The following TNC variants were observed in gnomAD, a reference collection of about 807,000 sequenced individuals.
TNC encodes tenascin.
TNC carries 109 observed loss-of-function variants against 202.4 expected under a neutral mutation model. The observed-to-expected ratio is 0.54, with a 90% CI of 0.46 to 0.63. TNC has a LOEUF of 0.63. Among genes scored for constraint, TNC ranks in the 30% least tolerant of loss-of-function variants. The pLI, the probability that TNC is intolerant of heterozygous loss-of-function variation, is 0.00. For missense variants in TNC, 2,756 were observed against 2,833.3 expected, an observed-to-expected ratio of 0.97 and a Z score of 0.62; for synonymous variants, 1,007 against 1,089.7, an observed-to-expected ratio of 0.92 and a Z score of 1.50.
chr9:115,034,173 G>A (rs898385747), intron 22 of TNC, among the ~76,000 whole-genome samples: 2 of 152,160 alleles, frequency 1.3e-5, no homozygotes, highest in Admixed American at 6.5e-5. Flanking sequence ...AAATCCACCA[G>A]GCTCAGCCTT....
intron 10 of TNC, among the ~76,000 whole-genome samples, chr9:115,065,652 TC>T (rs1832892643): frequency 6.6e-6 from 1 of 151,522 alleles, no homozygotes; most frequent in Admixed American, 6.6e-5. Flanking sequence ...TAGATACCCT[TC>T]TTTTTTGAGA....
chr9:115,081,784 C>A lies in TNC; in HGVS notation c.2392G>T (p.Val798Leu), dbSNP rs189378657. 1 of 1,613,998 alleles carries A rather than the reference C, an allele frequency of 6.2e-7. No homozygotes were observed. Among genetic ancestry groups the A allele is most frequent in the African/African-American group, 1.3e-5 (1 of 75,022 alleles). The change falls in exon 6 of 28, where the codon GTG (valine) becomes TTG (leucine). Residue 798 changes from valine (V) to leucine (L), a missense_variant. Around this residue, in one of 2 missense-constraint regions of TNC, gnomAD observed 2,559 missense variants for 2,546.0 expected, o/e 1.01. Coordinates refer to ENST00000350763, the MANE Select transcript of TNC (RefSeq NM_002160.4). Reference protein sequence around the residue: ...NNTRGPGLKRVTTTRLDAPSQ... With the variant: ...NNTRGPGLKRLTTTRLDAPSQ... ...AGGTGATACTCACGTGTGGTGGTCA[C>A]CCTCTTCAGGCCAGGGCCCCGGGTA...
chr9:115,095,606 A>G (rs370351843), intron 1 of TNC, among the ~76,000 whole-genome samples: 2 of 1,782 alleles, frequency 1.1e-3, no homozygotes, highest in African/African-American at 3.2e-3. Context: ...GTATATATAT[A>G]TGTATATATG....
At chr9:115,021,520 A>G (rs1829069413) in intron 27 of TNC, among the ~76,000 whole-genome samples, 1 of 152,174 alleles carries the variant, frequency 6.6e-6, no homozygotes. Flanking sequence ...CTGAGTTTGC[A>G]TGGAGCTTTG....
intron 6 of TNC, among the ~76,000 whole-genome samples, chr9:115,079,532 T>C (rs996241756): frequency 6.6e-6 from 1 of 152,168 alleles, no homozygotes; most frequent in African/African-American, 2.4e-5. Flanking sequence ...ATTAAAGAAG[T>C]TGGGTTTCCG....
chr9:115,056,837 C>T (rs1832161939), intron 15 of TNC, among the ~76,000 whole-genome samples: 1 of 152,198 alleles, frequency 6.6e-6, no homozygotes, highest in Non-Finnish European at 1.5e-5. Flanking sequence ...AAGTCAAGAA[C>T]AGGTCTAGTT....
At chr9:115,055,107 T>C (rs887847051) in intron 15 of TNC, among the ~76,000 whole-genome samples, 2 of 152,100 alleles carry the variant, frequency 1.3e-5, no homozygotes, top group Non-Finnish European at 2.9e-5. Flanking sequence ...TCTTTGAACA[T>C]GACATAGGCA....
Position 115,064,072 on chromosome 9 carries a change from G to A in TNC, c.3488-4C>T. 1 of 1,600,474 alleles carries A rather than the reference G, an allele frequency of 6.2e-7. No individual in the cohort carries two copies. Among genetic ancestry groups the A allele is most frequent in the Middle Eastern group, 1.7e-4 (1 of 6,006 alleles). On this transcript the variant is annotated splice_region_variant and splice_polypyrimidine_tract_variant and intron_variant, in intron 11 of 27. Transcript: ENST00000350763. ...TCTCCCAAATTGGGAGTTTCCCCTG[G>A]AGAAGGACAAAGAACTAGTTTAGTG... is the stretch of plus-strand genomic sequence containing the variant.
chr9:115,057,926 C>A lies in TNC; in HGVS notation c.4307-501G>T, dbSNP rs148569412. ...TAAATAATTCTGATGCCATTACCTT[C>A]CCAAGGTGGTAACTTGAGGCTTCTG... On this transcript the variant is annotated intron_variant, in intron 14 of 27. Transcript: ENST00000350763. 5.4e-4 allele frequency among the ~76,000 whole-genome samples: 82 copies of A among 152,338 alleles called. 1 individual carries two copies. The East Asian group carries it at 0.014, about 27-fold the overall frequency.
intron 8 of TNC, 45 bp from the exon 9 acceptor site, chr9:115,076,166 AG>A (rs1336039078): frequency 2.5e-6 from 4 of 1,574,514 alleles, no homozygotes; most frequent in Non-Finnish European, 2.6e-6. Context: ...GAAATCAGAG[AG>A]ACTTTCAGAG....
Position 115,064,671 on chromosome 9 carries a change from C to T in TNC, c.3463G>A (p.Val1155Met), listed in dbSNP as rs1832805144. 1.9e-5 allele frequency: 31 copies of T among 1,612,644 alleles called. No individual in the cohort carries two copies. The highest frequency in any genetic ancestry group is 2.6e-5 in the Non-Finnish European group (31 of 1,178,810). ...CCTGTGGAGGCCTCAGCAGAGAGCA[C>T]TGGTGTTCTATAGCCCTGGATCACC... ...YGVIQGYRTPVLSAEASTGET... is the reference protein window; with the variant it reads ...YGVIQGYRTPMLSAEASTGET... Residue 1155 changes from valine (V) to methionine (M), a missense_variant, in exon 11 of 28, where the codon GTG becomes ATG. By Grantham distance (21) the Val-to-Met change is conservative. Transcript: ENST00000350763.
chr9:115,057,416 G>C lies in TNC; in HGVS notation c.4316C>G (p.Pro1439Arg). The C allele has an allele frequency of 6.8e-6, 11 of 1,607,740 alleles. No individual in the cohort carries two copies. Among genetic ancestry groups the C allele is most frequent in the Non-Finnish European group, 9.3e-6 (11 of 1,178,626 alleles). Residue 1439 changes from proline (P) to arginine (R), a missense_variant, in exon 15 of 28, where the codon CCT becomes CGT. Around this residue, in one of 2 missense-constraint regions of TNC, gnomAD observed 2,559 missense variants for 2,546.0 expected, o/e 1.01. Transcript: ENST00000350763. ...AGAAACATTTAAGTTTCCAATTTCA[G>C]GTTCTTTGGCTGTAAAAGGAAGGGG... ...LSAEASTAKEPEIGNLNVSDI... is the reference protein window; with the variant it reads ...LSAEASTAKEREIGNLNVSDI...
intron 15 of TNC, among the ~76,000 whole-genome samples, chr9:115,051,863 G>A (rs1012899918): frequency 6.6e-6 from 1 of 151,794 alleles, no homozygotes; most frequent in Non-Finnish European, 1.5e-5. Flanking sequence ...TCTTGAGAAC[G>A]TTCTCTCCAC....
chr9:115,085,652 G>A (rs1334548854), intron 3 of TNC, among the ~76,000 whole-genome samples: 1 of 152,178 alleles, frequency 6.6e-6, no homozygotes, highest in Non-Finnish European at 1.5e-5. Context: ...ACCTCTCTGA[G>A]CCCTTCAGCC....
At chr9:115,076,256 A>G in intron 8 of TNC, 134 bp downstream of exon 8, 1 of 1,400,232 alleles carries the variant, frequency 7.1e-7, no homozygotes, top group Non-Finnish European at 1.0e-6. Flanking sequence ...ACTCACTGCA[A>G]TCCAATAAGC....
intron 10 of TNC, among the ~76,000 whole-genome samples, chr9:115,065,311 G>T (rs999673221): frequency 2.6e-5 from 4 of 152,090 alleles, no homozygotes; most frequent in African/African-American, 9.7e-5. Flanking sequence ...CAGGAGAATC[G>T]CTTGAACACA....
chr9:115,062,169 C>T (rs1230474670), intron 13 of TNC, among the ~76,000 whole-genome samples: 1 of 152,184 alleles, frequency 6.6e-6, no homozygotes, highest in Admixed American at 6.5e-5. Flanking sequence ...TAGCTATTTG[C>T]TATTCAGTAT....
At chr9:115,021,933 C>A (rs902612182) in intron 27 of TNC, among the ~76,000 whole-genome samples, 1 of 152,078 alleles carries the variant, frequency 6.6e-6, no homozygotes, top group South Asian at 2.1e-4. Flanking sequence ...GAGCTGGGCA[C>A]GTCGTAGGTG....
Position 115,091,055 on chromosome 9 carries a change from T to C in TNC, c.-37A>G. The C allele has an allele frequency of 6.5e-7, 1 of 1,540,388 alleles. No homozygotes were observed. The highest frequency in any genetic ancestry group is 2.3e-5 in the East Asian group (1 of 44,202). On this transcript the variant is annotated 5_prime_UTR_variant, in exon 2 of 28. Transcript: ENST00000350763. ...GTTTGGCTGGGTGCTGCTGGGGCTCTAGGGCTCTAGGGTATCTCACTTTCA... is the reference window on the plus strand; with the variant it reads ...GTTTGGCTGGGTGCTGCTGGGGCTCCAGGGCTCTAGGGTATCTCACTTTCA...
Sources: gnomAD v4.1 joint callset for allele counts (sites outside exome capture counted in the v4.1 genomes callset) on GRCh38, gnomAD v4.1.1 for gene constraint, gnomAD v4.1.1 regional missense constraint, MANE v1.5 for transcripts, NCBI Gene and HGNC (gene_info 2026-07-23, HGNC 2026-07-21) for gene names.